KIAA1755: variants seen among roughly 807,000 people sequenced by gnomAD.
KIAA1755 encodes uncharacterized protein KIAA1755.
In KIAA1755, 68 loss-of-function variants were observed where a neutral mutation model predicts 91.7. The ratio of observed to expected loss-of-function variants is 0.74; its 90% CI spans 0.61 to 0.91. The LOEUF (loss-of-function observed/expected upper bound fraction) is 0.91, where lower values mean the gene tolerates loss of function less well. Among genes scored for constraint, KIAA1755 ranks in the 40% least tolerant of loss-of-function variants. The probability of loss-of-function intolerance (pLI) is 0.00; values close to 1 mark genes in which losing one functional copy is unlikely to be tolerated. For missense variants in KIAA1755, 1,535 were observed against 1,494.4 expected, an observed-to-expected ratio of 1.03 and a Z score of -0.45; for synonymous variants, 610 against 604.6, an observed-to-expected ratio of 1.01 and a Z score of -0.13.
At position 38,241,609 on chromosome 20, in the gene KIAA1755, G is replaced by T. The variant is rs145423095; in HGVS notation, c.522C>A (p.Ala174=). The part of the protein sequence containing the change: ...NCLVASENGI[A]PVPWTKITSP... Reference sequence around the variant, plus strand: ...TGGTTATCTTGGTCCAAGGCACAGGGGCAATCCCATTTTCTGATGCTACCA... The same window carrying T: ...TGGTTATCTTGGTCCAAGGCACAGGTGCAATCCCATTTTCTGATGCTACCA... The change falls in exon 3 of 14, where the codon GCC becomes GCA. Residue 174 remains alanine, a synonymous_variant. Transcript: ENST00000279024. 315 of 1,614,210 alleles carry T rather than the reference G, an allele frequency of 2.0e-4. No homozygotes were observed. The highest frequency in any genetic ancestry group is 2.6e-4 in the Non-Finnish European group (302 of 1,180,028).
Position 38,241,947 on chromosome 20 carries a change from T to C in KIAA1755, c.202-18A>G. 2 of 1,599,162 alleles carry C rather than the reference T, an allele frequency of 1.3e-6. No individual in the cohort carries two copies. Among genetic ancestry groups the C allele is most frequent in the Non-Finnish European group, 1.7e-6 (2 of 1,172,194 alleles). ...TAGGGAGCCTGTGGAGAGAAGGGGA[T>C]GGCATCAGAGAACCTGGCCCTGAAA... On this transcript the variant is annotated intron_variant, in intron 2 of 13. Coordinates refer to ENST00000279024, the MANE Select transcript of KIAA1755 (RefSeq NM_001029864.2).
intron 6 of KIAA1755, 27 bp downstream of exon 6, chr20:38,228,120 G>A: frequency 6.4e-7 from 1 of 1,563,530 alleles, no homozygotes; most frequent in South Asian, 1.2e-5. Flanking sequence ...GGACTTACTA[G>A]GCTAAGGCTC....
intron 9 of KIAA1755, chr20:38,223,142 C>T (rs1475447870): frequency 5.0e-6 from 1 of 198,316 alleles, no homozygotes; most frequent in Non-Finnish European, 1.0e-5. Flanking sequence ...AGCACAGCCC[C>T]CCACAAAGGC....
chr20:38,231,184 G>T lies in KIAA1755; in HGVS notation c.1871+18C>A, dbSNP rs374912986. Reference sequence around the variant, plus strand: ...GTTGAGGTGGGGATGGAGCAGTCAGGGTGGCCCAGATCCTTACCTGGGGAT... The same window carrying T: ...GTTGAGGTGGGGATGGAGCAGTCAGTGTGGCCCAGATCCTTACCTGGGGAT... On this transcript the variant is annotated intron_variant, in intron 5 of 13. Coordinates refer to ENST00000279024, the MANE Select transcript of KIAA1755 (RefSeq NM_001029864.2). 6.2e-7 allele frequency: 1 copy of T among 1,607,452 alleles called. No individual in the cohort carries two copies. Among genetic ancestry groups the T allele is most frequent in the Non-Finnish European group, 8.5e-7 (1 of 1,176,912 alleles).
rs202007256 is a variant in KIAA1755, at chr20:38,217,306, G to A, written c.2848C>T (p.Arg950Trp). The change falls in exon 13 of 14, where the codon CGG becomes TGG. Residue 950 changes from arginine to tryptophan, a missense_variant. Physicochemically the swap from Arg to Trp is moderately radical, Grantham distance 101. Coordinates refer to ENST00000279024, the MANE Select transcript of KIAA1755 (RefSeq NM_001029864.2). ...ELTHFYMAAERQRTDLETLLH... is the reference protein window; with the variant it reads ...ELTHFYMAAEWQRTDLETLLH... ...AGCGTCTCGAGGTCCGTGCGTTGCC[G>A]CTCGGCCGCCATGTAAAAGTGGGTC... 42 of 1,608,742 alleles carry A rather than the reference G, an allele frequency of 2.6e-5. 1 individual carries two copies. In the Admixed American group the frequency reaches 4.6e-4, roughly 17 times the overall value.
intron 1 of KIAA1755, among the ~76,000 whole-genome samples, chr20:38,256,250 A>C (rs2076337193): frequency 6.6e-6 from 1 of 152,126 alleles, no homozygotes; most frequent in South Asian, 2.1e-4. Flanking sequence ...TCCACTGCTC[A>C]ACAACCTCGG....
In KIAA1755 at chr20:38,228,137, T is replaced by C. The variant is rs751615784; in HGVS notation, c.1965+10A>G. ...ACTTACTAGGCTAAGGCTCTCCACC[T>C]CCCACTCACCTGGGTGGCCTGCAGG... On this transcript the variant is annotated intron_variant, in intron 6 of 13. Transcript: ENST00000279024. 7.4e-5 allele frequency: 118 copies of C among 1,586,448 alleles called. No individual in the cohort carries two copies. The highest frequency in any genetic ancestry group is 9.9e-5 in the Non-Finnish European group (116 of 1,166,668).
intron 11 of KIAA1755, among the ~76,000 whole-genome samples, chr20:38,219,040 A>G (rs1412423718): frequency 1.3e-5 from 2 of 152,184 alleles, no homozygotes; most frequent in Non-Finnish European, 2.9e-5. Context: ...ATTACCCCCC[A>G]TTCAACAAAT....
chr20:38,260,529 C>T lies in KIAA1755; in HGVS notation c.-29G>A. The T allele has an allele frequency of 2.0e-6, 3 of 1,480,412 alleles. No homozygotes were observed. Among genetic ancestry groups the T allele is most frequent in the Non-Finnish European group, 8.9e-7 (1 of 1,118,368 alleles). The allele number at this position is 1,480,412 out of a possible 1,614,324, so 91.7% of individuals were successfully genotyped here. A position where few individuals can be genotyped will look rare whatever the true frequency, so the allele number is the denominator to read the frequency against. ...GACGGGCTGCCAGCGGCGGGCGGCGCGGCTCCTCTCCTGGGCGCGGGGTCT... is the reference window on the plus strand; with the variant it reads ...GACGGGCTGCCAGCGGCGGGCGGCGTGGCTCCTCTCCTGGGCGCGGGGTCT... On this transcript the variant is annotated 5_prime_UTR_variant, in exon 1 of 14. Coordinates refer to ENST00000279024, the MANE Select transcript of KIAA1755 (RefSeq NM_001029864.2).
chr20:38,240,083 T>TTTCCTTCC (rs147706141), intron 3 of KIAA1755, among the ~76,000 whole-genome samples: 1 of 151,940 alleles, frequency 6.6e-6, no homozygotes, highest in East Asian at 2.0e-4. Flanking sequence ...TCCTTCCTTC[T>TTTCCTTCC]TTCCTTCCTT....
chr20:38,240,993 C>A lies in KIAA1755; in HGVS notation c.1138G>T (p.Ala380Ser). 2 of 1,614,176 alleles carry A rather than the reference C, an allele frequency of 1.2e-6. No individual in the cohort carries two copies. The highest frequency in any genetic ancestry group is 3.3e-5 in the Admixed American group (2 of 60,020). The change falls in exon 3 of 14, where the codon GCA (alanine) becomes TCA (serine). Residue 380 changes from alanine (A) to serine (S), a missense_variant. Transcript: ENST00000279024. The part of the protein sequence containing the change: ...QGSYMNVLED[A>S]LDCASGLRAG... ...CTGAGACCAGAGGCACAGTCCAGTG[C>A]GTCCTCAAGGACATTCATGTAGGAG...
rs1177070758 is a variant in KIAA1755 at position 38,211,693 on chromosome 20, G to A, written c.*1349C>T. 1 of 152,254 alleles carries A rather than the reference G, an allele frequency of 6.6e-6. No individual in the cohort carries two copies. Among genetic ancestry groups the A allele is most frequent in the Non-Finnish European group, 1.5e-5 (1 of 68,078 alleles). 9.4% of individuals were successfully genotyped at this position (152,254 alleles called of 1,614,324 possible). On this transcript the variant is annotated 3_prime_UTR_variant, in exon 14 of 14. Transcript: ENST00000279024. ...AGAGGAGGGACCTCTAAGGCGGAGAGGATTCTCTCTGGAGGACAAGGACAA... is the reference window on the plus strand; with the variant it reads ...AGAGGAGGGACCTCTAAGGCGGAGAAGATTCTCTCTGGAGGACAAGGACAA...
Position 38,213,119 on chromosome 20 carries a change from T to C in KIAA1755, c.3526A>G (p.Ser1176Gly). Residue 1176 changes from serine (S) to glycine (G), a missense_variant, in exon 14 of 14, where the codon AGC becomes GGC. Coordinates refer to ENST00000279024, the MANE Select transcript of KIAA1755 (RefSeq NM_001029864.2). ...GAGTCTGTCCCCTCTGAGGAGAAGC[T>C]GCCCCCAGTGAGGCGAGGGACCTGG... ...QSQVPRLTGG[S>G]FSSEGTDSQT... is the part of the protein sequence containing the mutation. The C allele has an allele frequency of 2.5e-6, 4 of 1,607,418 alleles. No individual in the cohort carries two copies. Among genetic ancestry groups the C allele is most frequent in the Non-Finnish European group, 3.4e-6 (4 of 1,176,062 alleles).
At chr20:38,240,037 A>C (rs6014420) in intron 3 of KIAA1755, among the ~76,000 whole-genome samples, 10,830 of 152,016 alleles carry the variant, frequency 0.071, 687 homozygotes, top group African/African-American at 0.17. Context: ...GCTGGGGCTA[A>C]AGGCATGCAC....
Position 38,240,911 on chromosome 20 carries a change from G to C in KIAA1755, c.1220C>G (p.Pro407Arg). 1 of 1,614,044 alleles carries C rather than the reference G, an allele frequency of 6.2e-7. No individual in the cohort carries two copies. The highest frequency in any genetic ancestry group is 8.5e-7 in the Non-Finnish European group (1 of 1,179,958). Reference sequence around the variant, plus strand: ...AGGCCTGAGCTGCACCATATTCTCTGGGTTTCCTAGAGGTCCCTGCATCTT... The same window carrying C: ...AGGCCTGAGCTGCACCATATTCTCTCGGTTTCCTAGAGGTCCCTGCATCTT... Reference protein sequence around the residue: ...ASKMQGPLGNPENMVQLRPGP... With the variant: ...ASKMQGPLGNRENMVQLRPGP... The change falls in exon 3 of 14, where the codon CCA becomes CGA. Residue 407 changes from proline to arginine, a missense_variant. Pro to Arg is a moderately radical substitution (Grantham distance 103). Transcript: ENST00000279024.
chr20:38,235,016 G>T (rs1316330751), intron 4 of KIAA1755, among the ~76,000 whole-genome samples: 2 of 152,182 alleles, frequency 1.3e-5, no homozygotes, highest in Non-Finnish European at 2.9e-5. Flanking sequence ...GCCCAAAGTT[G>T]CTGAAAAATG....
Position 38,213,531 on chromosome 20 carries a change from C to T in KIAA1755, c.3114G>A (p.Arg1038=). The T allele has an allele frequency of 6.2e-7, 1 of 1,610,408 alleles. No homozygotes were observed. Among genetic ancestry groups the T allele is most frequent in the Non-Finnish European group, 8.5e-7 (1 of 1,178,760 alleles). ...GLGQELWEEA[R]IRHEEIRMLL... The stretch of plus-strand genomic sequence containing the variant: ...GCATCCGGATCTCCTCATGCCTGAT[C>T]CGGGCCTCCTCCCATAGCTCCTGGC... Residue 1038 remains arginine, a synonymous_variant, in exon 14 of 14, where the codon CGG becomes CGA. Transcript: ENST00000279024.
chr20:38,235,006 G>T (rs2075934422), intron 4 of KIAA1755, among the ~76,000 whole-genome samples: 1 of 152,200 alleles, frequency 6.6e-6, no homozygotes, highest in African/African-American at 2.4e-5. Context: ...AGTCGGGGTT[G>T]CCCAAAGTTG....
At chr20:38,224,079 C>A (rs933013681) in intron 8 of KIAA1755, among the ~76,000 whole-genome samples, 1 of 152,168 alleles carries the variant, frequency 6.6e-6, no homozygotes, top group African/African-American at 2.4e-5. Context: ...AGCTGTGAGA[C>A]CTTGGGCAAG....
Sources: gnomAD v4.1 joint callset for allele counts (sites outside exome capture counted in the v4.1 genomes callset) on GRCh38, gnomAD v4.1.1 for gene constraint, MANE v1.5 for transcripts, NCBI Gene and HGNC (gene_info 2026-07-23, HGNC 2026-07-21) for gene names.